SDK1: variants seen among roughly 807,000 people sequenced by gnomAD.
SDK1 encodes the protein protein sidekick-1.
SDK1 carries 157 observed loss-of-function variants against 245.5 expected under a neutral mutation model. The observed-to-expected ratio is 0.64, with a 90% confidence interval of 0.56 to 0.73. The LOEUF is 0.73. Ranked by LOEUF, SDK1 falls within the 30% of genes least tolerant of loss-of-function variation. The pLI is 0.00. For synonymous variants in SDK1, 1,647 were observed against 1,278.5 expected (o/e 1.29, Z -6.15); for missense variants, 3,583 against 3,002.3 (o/e 1.19, Z -4.52).
In SDK1 at chr7:3,642,079, G is replaced by A; in HGVS notation, c.687G>A (p.Gly229=). 1 of 1,614,060 alleles carries A rather than the reference G, an allele frequency of 6.2e-7. No homozygotes were observed. Among genetic ancestry groups the A allele is most frequent in the Non-Finnish European group, 8.5e-7 (1 of 1,179,980 alleles). Residue 229 remains glycine (G), a synonymous_variant, in exon 4 of 45, where the codon GGG becomes GGA. Coordinates refer to ENST00000404826, the MANE Select transcript of SDK1 (RefSeq NM_152744.4). ...CTCAAGTGACTTGGTTTAGAGAAGGGCACAAGATTATTCCAAGCAACAGAA... is the reference window on the plus strand; with the variant it reads ...CTCAAGTGACTTGGTTTAGAGAAGGACACAAGATTATTCCAAGCAACAGAA... ...PRPQVTWFRE[G]HKIIPSNRIA... is the part of the protein sequence containing the mutation.
intron 32 of SDK1, among the ~76,000 whole-genome samples, chr7:4,172,336 G>A (rs531412398): frequency 4.9e-4 from 74 of 152,304 alleles, no homozygotes; most frequent in African/African-American, 1.8e-3. Context: ...CGTGTCGCAT[G>A]CTGCATGCGT....
At chr7:3,401,382 G>A (rs1778883179) in intron 1 of SDK1, among the ~76,000 whole-genome samples, 3 of 152,120 alleles carry the variant, frequency 2.0e-5, no homozygotes, top group South Asian at 4.1e-4. Context: ...AGCATTATGG[G>A]GCCTTGAAAA....
At chr7:3,427,613 G>A (rs939110890) in intron 1 of SDK1, among the ~76,000 whole-genome samples, 3 of 151,372 alleles carry the variant, frequency 2.0e-5, no homozygotes, top group South Asian at 2.1e-4. Context: ...CTTGTCATAC[G>A]ATATAAGATG....
chr7:3,368,561 G>C (rs185858618), intron 1 of SDK1, among the ~76,000 whole-genome samples: 69 of 152,330 alleles, frequency 4.5e-4, no homozygotes, highest in Non-Finnish European at 7.6e-4. Context: ...GGGATGGTGG[G>C]ATTAAAGGTG....
chr7:3,716,760 C>T (rs1028691294), intron 4 of SDK1, among the ~76,000 whole-genome samples: 2 of 140,680 alleles, frequency 1.4e-5, no homozygotes, highest in South Asian at 2.2e-4. Flanking sequence ...CCCTGTCTCA[C>T]CAAAAAAAAA....
chr7:3,478,559 G>T (rs1781415485), intron 1 of SDK1, among the ~76,000 whole-genome samples: 1 of 151,880 alleles, frequency 6.6e-6, no homozygotes, highest in Non-Finnish European at 1.5e-5. Flanking sequence ...CAAATTTTAT[G>T]TGTATCTATA....
intron 4 of SDK1, among the ~76,000 whole-genome samples, chr7:3,804,758 C>T (rs1779197509): frequency 6.6e-6 from 1 of 152,128 alleles, no homozygotes; most frequent in African/African-American, 2.4e-5. Context: ...TAGTTTTCAG[C>T]ATACAAGTTC....
chr7:3,595,167 C>T (rs1781012169), intron 1 of SDK1, among the ~76,000 whole-genome samples: 3 of 151,914 alleles, frequency 2.0e-5, no homozygotes, highest in African/African-American at 7.3e-5. Flanking sequence ...ATAATGTGAG[C>T]TTTTTCAGCT....
chr7:3,396,563 T>C (rs536627234), intron 1 of SDK1, among the ~76,000 whole-genome samples: 42 of 152,024 alleles, frequency 2.8e-4, no homozygotes, highest in African/African-American at 1.0e-3. Flanking sequence ...TACATATTTA[T>C]AAATTGTTAT....
Position 4,130,038 on chromosome 7 carries a change from C to T in SDK1, c.4070C>T (p.Thr1357Ile), listed in dbSNP as rs200232235. 6.2e-7 allele frequency: 1 copy of T among 1,613,202 alleles called. No homozygotes were observed. Among genetic ancestry groups the T allele is most frequent in the East Asian group, 2.2e-5 (1 of 44,828 alleles). ...TACGAGCTCCAGGTGCTGGCGTTCACCCGCATCGGGAACGGGGTCCCCAGC... is the reference window on the plus strand; with the variant it reads ...TACGAGCTCCAGGTGCTGGCGTTCATCCGCATCGGGAACGGGGTCCCCAGC... ...VLYELQVLAF[T>I]RIGNGVPSTP... is the part of the protein sequence containing the mutation. The change falls in exon 27 of 45, where the codon ACC (threonine) becomes ATC (isoleucine). Residue 1357 changes from threonine to isoleucine, a missense_variant. Transcript: ENST00000404826.
In SDK1 at chr7:3,704,097, C is replaced by T. The variant is rs146380799; in HGVS notation, c.713+61992C>T. ...CATTATATTGCACTGTATGCCTTTG[C>T]GTATCCACAGCTTTGCTTCCACTTA... On this transcript the variant is annotated intron_variant, in intron 4 of 44. Transcript: ENST00000404826. Among the ~76,000 whole-genome samples, 631 of 152,180 alleles carry T rather than the reference C, an allele frequency of 4.1e-3. 6 individuals carry two copies. Among genetic ancestry groups the T allele is most frequent in the African/African-American group, 0.014 (590 of 41,534 alleles).
chr7:3,750,968 C>T (rs1045685819), intron 4 of SDK1, among the ~76,000 whole-genome samples: 3 of 152,354 alleles, frequency 2.0e-5, no homozygotes, highest in African/African-American at 7.2e-5. Flanking sequence ...TACCTCCCTG[C>T]GGGTGCAGAA....
At chr7:4,153,280 A>T (rs1271478093) in intron 30 of SDK1, among the ~76,000 whole-genome samples, 2 of 151,712 alleles carry the variant, frequency 1.3e-5, no homozygotes, top group African/African-American at 4.8e-5. Context: ...TTTTTTAAAA[A>T]TATCATTATT....
At chr7:4,158,913 G>A (rs997020693) in intron 31 of SDK1, among the ~76,000 whole-genome samples, 1 of 152,208 alleles carries the variant, frequency 6.6e-6, no homozygotes, top group Admixed American at 6.5e-5. Flanking sequence ...TGACAACAGC[G>A]CAGGTAAGTG....
intron 8 of SDK1, among the ~76,000 whole-genome samples, chr7:3,960,691 C>T (rs138753449): frequency 7.2e-5 from 11 of 152,304 alleles, no homozygotes; most frequent in African/African-American, 1.7e-4. Flanking sequence ...CTGCTGTCCA[C>T]GGCTCTGTTC....
chr7:3,303,015 CT>C lies in SDK1; in HGVS notation c.298+1139del, dbSNP rs201560736. Among the ~76,000 whole-genome samples the C allele has an allele frequency of 4.0e-4, 61 of 151,896 alleles. 1 individual carries two copies. The East Asian group carries it at 9.6e-3, about 24-fold the overall frequency. On this transcript the variant is annotated intron_variant, in intron 1 of 44. Coordinates refer to ENST00000404826, the MANE Select transcript of SDK1 (RefSeq NM_152744.4). ...CCAATAGCTTAACAACGAACTCATA[CT>C]TTTTTTTATTGATGCTTATGTAACG...
intron 1 of SDK1, among the ~76,000 whole-genome samples, chr7:3,600,852 T>C (rs1415693254): frequency 6.6e-6 from 1 of 152,154 alleles, no homozygotes; most frequent in East Asian, 1.9e-4. Flanking sequence ...CTGGCCAATG[T>C]AGGTTTTTAA....
At chr7:3,632,250 C>A (rs1385913145) in intron 2 of SDK1, among the ~76,000 whole-genome samples, 1 of 152,138 alleles carries the variant, frequency 6.6e-6, no homozygotes, top group Non-Finnish European at 1.5e-5. Flanking sequence ...ACATTTTCTG[C>A]CCCTGATTTA....
intron 4 of SDK1, among the ~76,000 whole-genome samples, chr7:3,771,050 T>A (rs1780393526): frequency 6.6e-6 from 1 of 152,150 alleles, no homozygotes; most frequent in South Asian, 2.1e-4. Flanking sequence ...TTGCACTAAT[T>A]GATGCTCAGC....
Sources: allele counts gnomAD v4.1 joint callset (sites outside exome capture counted in the v4.1 genomes callset), GRCh38; gene constraint gnomAD v4.1.1; transcripts MANE v1.5; gene names NCBI Gene and HGNC (gene_info 2026-07-23, HGNC 2026-07-21).